SOD2: variants seen among roughly 807,000 people sequenced by gnomAD.
SOD2 encodes the protein superoxide dismutase [Mn], mitochondrial.
SOD2 carries 11 observed loss-of-function variants against 27.0 expected under a neutral mutation model. The observed-to-expected ratio is 0.41, with a 90% CI of 0.26 to 0.67. SOD2 has a LOEUF of 0.67. Among genes scored for constraint, SOD2 ranks in the 30% least tolerant of loss-of-function variants. The pLI is 0.34. For missense variants in SOD2, 250 were observed against 274.5 expected (o/e 0.91, Z 0.63); for synonymous variants, 105 against 103.0 (o/e 1.02, Z -0.12).
intron 1 of SOD2, among the ~76,000 whole-genome samples, chr6:159,739,824 C>CTTTTTT (rs56389349): frequency 5.9e-5 from 5 of 85,186 alleles, no homozygotes; most frequent in Non-Finnish European, 8.7e-5. Flanking sequence ...CACTTTTTAC[C>CTTTTTT]TTTTTTTTTT....
At position 159,673,510 on chromosome 6, in the gene SOD2, C is replaced by G. The variant is rs1164123187; in HGVS notation, c.*8983G>C. On this transcript the variant is annotated 3_prime_UTR_variant, in exon 5 of 5. Coordinates refer to ENST00000538183, the MANE Select transcript of SOD2 (RefSeq NM_000636.4). ...TCCTGAATGACTACTGGGTACATAA[C>G]AAAATGAAGGCAGAAATAAAGATGT... 6.6e-6 allele frequency: 1 copy of G among 152,004 alleles called. No individual in the cohort carries two copies. Among genetic ancestry groups the G allele is most frequent in the Non-Finnish European group, 1.5e-5 (1 of 68,010 alleles). The allele number at this position is 152,004 out of a possible 1,614,324, so 9.4% of individuals were successfully genotyped here. A position where few individuals can be genotyped will look rare whatever the true frequency, so the allele number is the denominator to read the frequency against.
chr6:159,727,106 C>T, intron 1 of SOD2: 1 of 1,193,550 alleles, frequency 8.4e-7, no homozygotes, highest in South Asian at 1.5e-5. Context: ...TGGCCCGCCC[C>T]TCCCCTCGGC....
At chr6:159,755,526 G>C in intron 1 of SOD2, 7 of 1,614,194 alleles carry the variant, frequency 4.3e-6, no homozygotes, top group Non-Finnish European at 5.9e-6. Context: ...AAAGCAGTGA[G>C]TGGGAAAGGT....
At chr6:159,683,752 C>T (rs929426043) in intron 4 of SOD2, among the ~76,000 whole-genome samples, 1 of 152,162 alleles carries the variant, frequency 6.6e-6, no homozygotes, top group South Asian at 2.1e-4. Flanking sequence ...CTACAAATAA[C>T]CTGACTCTAC....
rs75968143 is a variant in SOD2 at position 159,754,009 on chromosome 6, G to A, written c.-335-5333C>T. Among the ~76,000 whole-genome samples, 791 of 152,290 alleles carry A rather than the reference G, an allele frequency of 5.2e-3. 5 individuals are homozygous for A. Among genetic ancestry groups the A allele is most frequent in the African/African-American group, 0.018 (749 of 41,570 alleles). ...TTTTCAGCGATCTGAAAGTAATAAAGTTGATTGTATCTGTGAAGGTTTTAT... is the reference window on the plus strand; with the variant it reads ...TTTTCAGCGATCTGAAAGTAATAAAATTGATTGTATCTGTGAAGGTTTTAT... On this transcript the variant is annotated intron_variant, in intron 1 of 7. Coordinates refer to the SOD2 transcript ENST00000546087.
chr6:159,755,185 A>G, intron 1 of SOD2: 7 of 1,614,202 alleles, frequency 4.3e-6, no homozygotes, highest in Non-Finnish European at 5.9e-6. Context: ...GCAGGACTAC[A>G]GCTTCTGAAC....
chr6:159,702,850 G>GAAAAA (rs35570449), intron 1 of SOD2, among the ~76,000 whole-genome samples: 1 of 30,674 alleles, frequency 3.3e-5, no homozygotes, highest in Admixed American at 5.9e-4. Context: ...ACCCTATCTC[G>GAAAAA]AAAAAAAAAA....
intron 1 of SOD2, chr6:159,742,225 T>G: frequency 8.0e-7 from 1 of 1,245,956 alleles, no homozygotes; most frequent in Non-Finnish European, 1.1e-6. Flanking sequence ...TTGTTTTTAT[T>G]AAAGCAAATG....
At position 159,674,350 on chromosome 6, in the gene SOD2, A is replaced by G. The variant is rs1779730830; in HGVS notation, c.*8143T>C. 6.6e-6 allele frequency: 1 copy of G among 152,234 alleles called. No individual in the cohort carries two copies. The highest frequency in any genetic ancestry group is 2.4e-5 in the African/African-American group (1 of 41,450). The allele number at this position is 152,234 out of a possible 1,614,324, so 9.4% of individuals were successfully genotyped here. A position where few individuals can be genotyped will look rare whatever the true frequency, so the allele number is the denominator to read the frequency against. On this transcript the variant is annotated 3_prime_UTR_variant, in exon 5 of 5. Coordinates refer to ENST00000538183, the MANE Select transcript of SOD2 (RefSeq NM_000636.4). ...AAAATCAATGCAAAAATCCTCAATAAAATACTGGCAAACTGAATCCAGCAG... is the reference window on the plus strand; with the variant it reads ...AAAATCAATGCAAAAATCCTCAATAGAATACTGGCAAACTGAATCCAGCAG...
intron 1 of SOD2, among the ~76,000 whole-genome samples, chr6:159,735,459 A>G (rs146413725): frequency 1.9e-4 from 29 of 152,310 alleles, no homozygotes; most frequent in African/African-American, 6.5e-4. Flanking sequence ...ATATTTTAAA[A>G]TATGTAATAG....
At chr6:159,685,252 T>C (rs1188205815) in intron 3 of SOD2, among the ~76,000 whole-genome samples, 1 of 146,570 alleles carries the variant, frequency 6.8e-6, no homozygotes, top group Non-Finnish European at 1.5e-5. Flanking sequence ...TTTCATTTTT[T>C]ACCTTTTGAG....
At chr6:159,758,256 A>G (rs763437463) in intron 1 of SOD2, among the ~76,000 whole-genome samples, 1 of 67,786 alleles carries the variant, frequency 1.5e-5, no homozygotes, top group East Asian at 6.0e-4. Flanking sequence ...GGCTGCTGTG[A>G]AAAAAAAAAA....
At chr6:159,709,338 A>C (rs1445910548) in intron 1 of SOD2, among the ~76,000 whole-genome samples, 1 of 152,214 alleles carries the variant, frequency 6.6e-6, no homozygotes, top group Non-Finnish European at 1.5e-5. Context: ...CAACCTACAA[A>C]ATGGGAGAAA....
At chr6:159,724,239 G>A (rs959116228) in intron 1 of SOD2, among the ~76,000 whole-genome samples, 5 of 151,956 alleles carry the variant, frequency 3.3e-5, no homozygotes, top group South Asian at 2.1e-4. Flanking sequence ...TGATCCTCCC[G>A]CTTTGGCCTA....
intron 1 of SOD2, among the ~76,000 whole-genome samples, chr6:159,751,607 A>G (rs990212044): frequency 6.6e-6 from 1 of 152,036 alleles, no homozygotes. Context: ...CAAGAACACC[A>G]GCTAATAAAG....
chr6:159,722,310 G>A (rs1482280339), intron 1 of SOD2, among the ~76,000 whole-genome samples: 1 of 152,188 alleles, frequency 6.6e-6, no homozygotes, highest in Non-Finnish European at 1.5e-5. Flanking sequence ...CTTGAGCCCA[G>A]GAGGTCAAGA....
intron 1 of SOD2, among the ~76,000 whole-genome samples, chr6:159,760,000 G>GT (rs573062576): frequency 3.9e-5 from 6 of 152,346 alleles, no homozygotes; most frequent in Admixed American, 2.0e-4. Flanking sequence ...ATAAAGCAGT[G>GT]TAACAGGATC....
intron 1 of SOD2, among the ~76,000 whole-genome samples, chr6:159,740,804 CG>C (rs1779212549): frequency 6.6e-6 from 1 of 151,366 alleles, no homozygotes; most frequent in South Asian, 2.1e-4. Flanking sequence ...CCCGGTCAAG[CG>C]GTTCTCCTGC....
intron 2 of SOD2, chr6:159,691,427 G>A (rs1003943134): frequency 3.3e-5 from 5 of 152,034 alleles, no homozygotes; most frequent in African/African-American, 1.2e-4. Context: ...TTTTCCACTA[G>A]ATGCCTCCAG....
Sources: gnomAD v4.1 joint callset for allele counts (sites outside exome capture counted in the v4.1 genomes callset) on GRCh38, gnomAD v4.1.1 for gene constraint, MANE v1.5 for transcripts, NCBI Gene and HGNC (gene_info 2026-07-23, HGNC 2026-07-21) for gene names.